DLGAP2: variants seen among roughly 807,000 people sequenced by gnomAD.
DLGAP2 encodes the protein disks large-associated protein 2.
DLGAP2 carries 26 observed loss-of-function variants against 100.3 expected under a neutral mutation model. The observed-to-expected ratio is 0.26, with a 90% CI of 0.19 to 0.36. The LOEUF is 0.36. Among genes scored for constraint, DLGAP2 ranks in the 10% least tolerant of loss-of-function variants. The pLI is 1.00. For synonymous variants in DLGAP2, 886 were observed against 630.1 expected, an observed-to-expected ratio of 1.41 and a Z score of -6.08; for missense variants, 1,858 against 1,453.2, an observed-to-expected ratio of 1.28 and a Z score of -4.53.
At chr8:1,146,083 C>T (rs970031894) in intron 2 of DLGAP2, among the ~76,000 whole-genome samples, 1 of 152,112 alleles carries the variant, frequency 6.6e-6, no homozygotes, top group Non-Finnish European at 1.5e-5. Flanking sequence ...GCAGACACTT[C>T]ACTCCACCAA....
intron 2 of DLGAP2, among the ~76,000 whole-genome samples, chr8:1,199,994 C>T (rs1393942697): frequency 6.6e-6 from 1 of 152,102 alleles, no homozygotes; most frequent in African/African-American, 2.4e-5. Context: ...CTGTGCATCC[C>T]CGGGGGTCCC....
intron 3 of DLGAP2, among the ~76,000 whole-genome samples, chr8:1,270,466 C>G (rs1484392181): frequency 6.6e-6 from 1 of 152,178 alleles, no homozygotes; most frequent in African/African-American, 2.4e-5. Context: ...TCTGTTTCCA[C>G]TCTTGCCTTA....
At chr8:1,420,058 G>T (rs1465803817) in intron 3 of DLGAP2, among the ~76,000 whole-genome samples, 1 of 152,200 alleles carries the variant, frequency 6.6e-6, no homozygotes, top group African/African-American at 2.4e-5. Context: ...AGTGAATTAA[G>T]TCACTGGCCA....
chr8:1,234,852 G>T (rs545407636), intron 2 of DLGAP2, among the ~76,000 whole-genome samples: 1 of 152,186 alleles, frequency 6.6e-6, no homozygotes, highest in Non-Finnish European at 1.5e-5. Flanking sequence ...TACCCGGACT[G>T]TTCAACACTT....
At chr8:1,600,527 G>T (rs1015361808) in intron 6 of DLGAP2, among the ~76,000 whole-genome samples, 3 of 152,112 alleles carry the variant, frequency 2.0e-5, no homozygotes, top group Non-Finnish European at 2.9e-5. Flanking sequence ...TGTAGGATTG[G>T]TCTTTTCACA....
intron 2 of DLGAP2, among the ~76,000 whole-genome samples, chr8:1,079,465 C>A (rs1420911020): frequency 6.6e-6 from 1 of 152,114 alleles, no homozygotes. Flanking sequence ...GATTAGCAGC[C>A]TTTATTGGTT....
At chr8:787,184 C>T (rs28607717) in intron 1 of DLGAP2, among the ~76,000 whole-genome samples, 1 of 152,214 alleles carries the variant, frequency 6.6e-6, no homozygotes, top group South Asian at 2.1e-4. Context: ...CACCCAGCCT[C>T]AGCTGGTCCT....
intron 1 of DLGAP2, among the ~76,000 whole-genome samples, chr8:851,294 C>T (rs1175384962): frequency 6.6e-6 from 1 of 152,176 alleles, no homozygotes; most frequent in Non-Finnish European, 1.5e-5. Flanking sequence ...GATGTTCGCA[C>T]CCTGACAAAG....
At chr8:1,102,317 TA>T (rs1804612031) in intron 2 of DLGAP2, among the ~76,000 whole-genome samples, 1 of 147,508 alleles carries the variant, frequency 6.8e-6, no homozygotes, top group African/African-American at 2.5e-5. Context: ...AATTACATAA[TA>T]ATATATATAA....
At chr8:1,420,870 T>G (rs1260885421) in intron 3 of DLGAP2, among the ~76,000 whole-genome samples, 3 of 152,210 alleles carry the variant, frequency 2.0e-5, no homozygotes, top group African/African-American at 7.2e-5. Context: ...CAGTCCTGTT[T>G]GGTGTCTTCG....
chr8:937,313 TC>T (rs1393549792), intron 2 of DLGAP2, among the ~76,000 whole-genome samples: 1 of 152,186 alleles, frequency 6.6e-6, no homozygotes, highest in Non-Finnish European at 1.5e-5. Flanking sequence ...CATATTAAGA[TC>T]AAAACAAGAG....
intron 3 of DLGAP2, among the ~76,000 whole-genome samples, chr8:1,357,308 A>T (rs896722682): frequency 2.7e-4 from 41 of 151,872 alleles, no homozygotes; most frequent in African/African-American, 9.7e-4. Context: ...GATGCCACAG[A>T]CTGGCTAGTG....
chr8:857,217 A>G (rs1797295558), intron 1 of DLGAP2, among the ~76,000 whole-genome samples: 1 of 152,188 alleles, frequency 6.6e-6, no homozygotes, highest in African/African-American at 2.4e-5. Flanking sequence ...CAAAATTAAC[A>G]CAAAATGCAA....
At chr8:868,616 G>C (rs949651446) in intron 1 of DLGAP2, among the ~76,000 whole-genome samples, 4 of 152,224 alleles carry the variant, frequency 2.6e-5, no homozygotes, top group African/African-American at 9.6e-5. Flanking sequence ...TGCAGGTTAC[G>C]TTAGTGTCTG....
chr8:1,372,133 C>T (rs971616791), intron 3 of DLGAP2, among the ~76,000 whole-genome samples: 1 of 152,150 alleles, frequency 6.6e-6, no homozygotes, highest in African/African-American at 2.4e-5. Context: ...CACCTGCAGG[C>T]ACCTACACAG....
chr8:1,446,593 A>G (rs916164607), intron 3 of DLGAP2, among the ~76,000 whole-genome samples: 10 of 152,084 alleles, frequency 6.6e-5, no homozygotes, highest in African/African-American at 1.9e-4. Flanking sequence ...TTGGTTCCAT[A>G]TGAACTTTAA....
chr8:1,228,311 A>G (rs2116828161), intron 2 of DLGAP2, among the ~76,000 whole-genome samples: 1 of 152,260 alleles, frequency 6.6e-6, no homozygotes, highest in East Asian at 1.9e-4. Context: ...AGATTGAATT[A>G]ATAATCAAGC....
chr8:1,565,971 C>T (rs1348098003), intron 6 of DLGAP2, 77 bp downstream of exon 6: 15 of 1,305,324 alleles, frequency 1.1e-5, no homozygotes, highest in East Asian at 2.6e-5. Flanking sequence ...ACCACTTCAC[C>T]GTGAGCTGAG....
chr8:1,246,051 T>C (rs1168696943), intron 2 of DLGAP2, among the ~76,000 whole-genome samples: 1 of 152,242 alleles, frequency 6.6e-6, no homozygotes, highest in Non-Finnish European at 1.5e-5. Context: ...GCTATTTATG[T>C]ACTATCAGTG....
Sources: allele counts gnomAD v4.1 joint callset (sites outside exome capture counted in the v4.1 genomes callset), GRCh38; gene constraint gnomAD v4.1.1; transcripts MANE v1.5; gene names NCBI Gene and HGNC (gene_info 2026-07-23, HGNC 2026-07-21).